The following FLRT1 variants were observed in gnomAD, a reference collection of about 807,000 sequenced individuals.
The protein encoded by FLRT1 is fibronectin leucine rich transmembrane protein 1.
Under a neutral mutation model 30.9 loss-of-function variants are expected in FLRT1, and 14 were observed. That is an observed-to-expected ratio of 0.45 (90% CI 0.30 to 0.71). FLRT1 has a LOEUF of 0.71. FLRT1 is among the 30% of genes least tolerant of loss of function. The pLI is 0.08. For synonymous variants in FLRT1, 368 were observed against 430.4 expected (o/e 0.85, Z 1.80); for missense variants, 737 against 949.2 (o/e 0.78, Z 2.94).
chr11:64,104,013 AG>A lies in FLRT1; in HGVS notation c.-216del. The A allele has an allele frequency of 1.3e-5, 2 of 152,406 alleles. No individual in the cohort carries two copies. Among genetic ancestry groups the A allele is most frequent in the East Asian group, 3.8e-4 (2 of 5,308 alleles). 9.4% of individuals were successfully genotyped at this position (152,406 alleles called of 1,614,324 possible). A position where few individuals can be genotyped will look rare whatever the true frequency, so the allele number is the denominator to read the frequency against. The stretch of plus-strand genomic sequence containing the variant: ...GTGCTGCCCAGTCACCCCAGGGCTG[AG>A]GTCTGCGTCCCTAGTGGTGCAAGGC... On this transcript the variant is annotated 5_prime_UTR_variant, in exon 2 of 3. Transcript: ENST00000682287.
At chr11:64,087,342 ACCCTGCCAC>A (rs945649913) in intron 1 of FLRT1, among the ~76,000 whole-genome samples, 68 of 151,658 alleles carry the variant, frequency 4.5e-4, no homozygotes, top group Non-Finnish European at 5.5e-4. Flanking sequence ...CCTCACCCCA[ACCCTGCCAC>A]CCCTGCCACC....
At chr11:64,049,744 G>C (rs757458178) in intron 1 of FLRT1, among the ~76,000 whole-genome samples, 29 of 152,236 alleles carry the variant, frequency 1.9e-4, no homozygotes, top group Non-Finnish European at 3.1e-4. Context: ...CATCCTGAGG[G>C]GGATCGGTTT....
At chr11:64,099,290 T>C (rs1944630491) in intron 1 of FLRT1, among the ~76,000 whole-genome samples, 1 of 152,260 alleles carries the variant, frequency 6.6e-6, no homozygotes, top group Non-Finnish European at 1.5e-5. Context: ...GCGTCTCACA[T>C]TGTAGCCCTC....
intron 1 of FLRT1, among the ~76,000 whole-genome samples, chr11:64,080,655 C>T (rs1190371267): frequency 6.6e-6 from 1 of 152,194 alleles, no homozygotes; most frequent in African/African-American, 2.4e-5. Context: ...AGCCTCCCCT[C>T]CCTGCATCCA....
chr11:64,075,647 G>C (rs111785893), intron 1 of FLRT1, among the ~76,000 whole-genome samples: 22 of 152,308 alleles, frequency 1.4e-4, no homozygotes, highest in African/African-American at 5.3e-4. Context: ...GAGAAGAAGG[G>C]GGACCCCGAA....
In FLRT1 at chr11:64,116,543, G is replaced by A; in HGVS notation, c.276G>A (p.Gln92=). ...DATTLYLQNN[Q]INNAGIPQDL... is the part of the protein sequence containing the mutation. ...CCACCCTCTACCTGCAGAACAACCA[G>A]ATCAACAACGCCGGCATCCCCCAGG... The change falls in exon 3 of 3, where the codon CAG becomes CAA. Residue 92 remains glutamine, a synonymous_variant. Transcript: ENST00000682287. The A allele has an allele frequency of 6.2e-7, 1 of 1,613,994 alleles. No homozygotes were observed.
chr11:64,048,570 T>C (rs778140963), intron 1 of FLRT1, among the ~76,000 whole-genome samples: 1 of 152,072 alleles, frequency 6.6e-6, no homozygotes, highest in Non-Finnish European at 1.5e-5. Flanking sequence ...AGCAGGATGG[T>C]TAATAACAGT....
chr11:64,098,345 C>A (rs1030582953), intron 1 of FLRT1, among the ~76,000 whole-genome samples: 5 of 152,154 alleles, frequency 3.3e-5, no homozygotes, highest in African/African-American at 1.2e-4. Context: ...CTCACTATAC[C>A]AAGCCCTCCC....
intron 1 of FLRT1, among the ~76,000 whole-genome samples, chr11:64,059,760 C>T (rs948419165): frequency 1.3e-5 from 2 of 152,216 alleles, no homozygotes; most frequent in South Asian, 4.1e-4. Context: ...CCTCTGAGTC[C>T]GGGTCTATTC....
At chr11:64,070,240 T>A (rs1421843397) in intron 1 of FLRT1, among the ~76,000 whole-genome samples, 2 of 151,818 alleles carry the variant, frequency 1.3e-5, no homozygotes, top group Non-Finnish European at 2.9e-5. Flanking sequence ...GGTGTCTGAG[T>A]CTACTGATCA....
chr11:64,058,572 G>A (rs1021565183), intron 1 of FLRT1, among the ~76,000 whole-genome samples: 2 of 152,282 alleles, frequency 1.3e-5, no homozygotes, highest in African/African-American at 4.8e-5. Flanking sequence ...CTGAAGAGGG[G>A]GTGGTGGAGG....
intron 1 of FLRT1, among the ~76,000 whole-genome samples, chr11:64,094,612 T>C (rs763701818): frequency 1.3e-5 from 2 of 152,046 alleles, no homozygotes; most frequent in Non-Finnish European, 2.9e-5. Context: ...GGCAGAGCCA[T>C]TGGGTCGCGT....
rs1590901712 is a variant in FLRT1 at position 64,096,147 on chromosome 11, A to T, written c.-1037-7047A>T. On this transcript the variant is annotated intron_variant, in intron 1 of 2. Coordinates refer to ENST00000682287, the MANE Select transcript of FLRT1 (RefSeq NM_013280.5). This position sits in a 1 kb window ranked among gnomAD's most constrained non-coding sequence, Gnocchi z 4.6. ...CCCAGACCCTGGAGGCCAGGAGGGGACCAGGGCTGCCCGCCGGCTCCACCA... is the reference window on the plus strand; with the variant it reads ...CCCAGACCCTGGAGGCCAGGAGGGGTCCAGGGCTGCCCGCCGGCTCCACCA... 6.6e-6 allele frequency among the ~76,000 whole-genome samples: 1 copy of T among 152,194 alleles called. No individual in the cohort carries two copies. The highest frequency in any genetic ancestry group is 1.5e-5 in the Non-Finnish European group (1 of 68,018).
chr11:64,076,126 G>A (rs1044285632), intron 1 of FLRT1, among the ~76,000 whole-genome samples: 4 of 152,168 alleles, frequency 2.6e-5, no homozygotes, highest in African/African-American at 9.7e-5. Flanking sequence ...GGCCCTGCCA[G>A]TCACCTGCCC....
At chr11:64,073,832 A>G (rs1944153055) in intron 1 of FLRT1, among the ~76,000 whole-genome samples, 1 of 152,142 alleles carries the variant, frequency 6.6e-6, no homozygotes. Context: ...GGGGGCCCAC[A>G]GCCCCCAGAG....
intron 1 of FLRT1, among the ~76,000 whole-genome samples, chr11:64,043,046 G>T (rs886663546): frequency 6.6e-6 from 1 of 152,156 alleles, no homozygotes; most frequent in African/African-American, 2.4e-5. Context: ...ACTTGGGCTC[G>T]AAGCCCACCT....
intron 1 of FLRT1, among the ~76,000 whole-genome samples, chr11:64,063,985 C>T (rs971076982): frequency 2.6e-5 from 4 of 152,184 alleles, no homozygotes; most frequent in Non-Finnish European, 1.5e-5. Context: ...ATCCGAGTGA[C>T]GGCTCCTCTT....
At chr11:64,049,615 T>A (rs1434629265) in intron 1 of FLRT1, among the ~76,000 whole-genome samples, 1 of 152,190 alleles carries the variant, frequency 6.6e-6, no homozygotes, top group Non-Finnish European at 1.5e-5. Context: ...CGCACAGACA[T>A]CCTGATGGTT....
At chr11:64,074,897 C>G (rs992248291) in intron 1 of FLRT1, among the ~76,000 whole-genome samples, 1 of 152,204 alleles carries the variant, frequency 6.6e-6, no homozygotes, top group Admixed American at 6.5e-5. Flanking sequence ...CATCTGGGAG[C>G]CTCCTGCAGG....
Sources: allele counts gnomAD v4.1 joint callset (sites outside exome capture counted in the v4.1 genomes callset), GRCh38; gene constraint gnomAD v4.1.1; non-coding constraint Gnocchi (gnomAD v3.1); transcripts MANE v1.5; gene names NCBI Gene and HGNC (gene_info 2026-07-23, HGNC 2026-07-21).